Variants in CCDC141 observed in about 807,000 individuals in gnomAD.
CCDC141 encodes coiled-coil domain containing 141.
CCDC141 carries 168 observed loss-of-function variants against 181.0 expected under a neutral mutation model. The observed-to-expected ratio is 0.93, with a 90% CI of 0.82 to 1.05. The LOEUF (loss-of-function observed/expected upper bound fraction) is 1.05, where lower values mean the gene tolerates loss of function less well. CCDC141 is among the 50% of genes least tolerant of loss of function. The probability of loss-of-function intolerance (pLI) is 0.00; values close to 1 mark genes in which losing one functional copy is unlikely to be tolerated. For synonymous variants in CCDC141, 666 were observed against 642.3 expected (o/e 1.04, Z -0.56); for missense variants, 1,902 against 1,788.5 (o/e 1.06, Z -1.14).
chr2:178,893,903 A>T (rs906523352), intron 8 of CCDC141, among the ~76,000 whole-genome samples: 5 of 152,042 alleles, frequency 3.3e-5, no homozygotes, highest in African/African-American at 1.2e-4. Flanking sequence ...GTGTGGCTGA[A>T]GCTACAGGGC....
chr2:178,959,584 G>A (rs1690308405), intron 5 of CCDC141, among the ~76,000 whole-genome samples: 1 of 152,182 alleles, frequency 6.6e-6, no homozygotes, highest in Non-Finnish European at 1.5e-5. Context: ...CTTTGCATTG[G>A]ACGATAATGC....
rs367706044 is a variant in CCDC141, at chr2:178,950,681, G to A, written c.781-6030C>T. 9.9e-5 allele frequency among the ~76,000 whole-genome samples: 15 copies of A among 152,182 alleles called. No individual in the cohort carries two copies. The South Asian group carries it at 3.1e-3, about 32-fold the overall frequency. On this transcript the variant is annotated intron_variant, in intron 5 of 23. Transcript: ENST00000443758. ...CAATTTTCTTCTGTTGAATTTTGGA[G>A]CCCTTTGTGAATTACTGAAATCAAC... is the stretch of plus-strand genomic sequence containing the variant.
intron 10 of CCDC141, 85 bp downstream of exon 10, chr2:178,886,667 C>A: frequency 1.2e-6 from 1 of 866,292 alleles, no homozygotes; most frequent in Non-Finnish European, 1.7e-6. Context: ...CTCAAGTGAG[C>A]TAGGATTAAG....
At position 178,850,077 on chromosome 2, in the gene CCDC141, G is replaced by T. The variant is rs550715790; in HGVS notation, c.3329C>A (p.Ser1110Tyr). Residue 1110 changes from serine (S) to tyrosine (Y), a missense_variant, in exon 21 of 24, where the codon TCC becomes TAC. Physicochemically the swap from Ser to Tyr is moderately radical, Grantham distance 144 (BLOSUM62 -2). Coordinates refer to ENST00000443758, the MANE Select transcript of CCDC141 (RefSeq NM_173648.4). ...CAGTTTTTCTTCGAGCTCTGTGAGGGACTCACATAATTCAGTCACAGATTC... is the reference window on the plus strand; with the variant it reads ...CAGTTTTTCTTCGAGCTCTGTGAGGTACTCACATAATTCAGTCACAGATTC... ...VLESVTELCE[S>Y]LTELEEKLKQ... 1.2e-6 allele frequency: 2 copies of T among 1,601,470 alleles called. No individual in the cohort carries two copies. Among genetic ancestry groups the T allele is most frequent in the South Asian group, 2.2e-5 (2 of 90,012 alleles).
At chr2:178,874,307 T>C (rs73040401) in intron 12 of CCDC141, 4 of 152,298 alleles carry the variant, frequency 2.6e-5, no homozygotes, top group African/African-American at 9.6e-5. Flanking sequence ...TATCATATGA[T>C]AGTGGTAAAG....
intron 12 of CCDC141, chr2:178,873,339 T>G (rs548030581): frequency 2.6e-5 from 4 of 152,188 alleles, no homozygotes; most frequent in Non-Finnish European, 4.4e-5. Flanking sequence ...ATTTCCCCCA[T>G]GAACTTAAGA....
At chr2:179,045,169 G>C (rs372021138) in intron 2 of CCDC141, among the ~76,000 whole-genome samples, 3 of 122,150 alleles carry the variant, frequency 2.5e-5, no homozygotes, top group Non-Finnish European at 3.4e-5. Context: ...CCCTCCCCTC[G>C]ACCCCACAAC....
intron 1 of CCDC141, among the ~76,000 whole-genome samples, chr2:179,047,973 G>A (rs952092736): frequency 6.6e-6 from 1 of 152,164 alleles, no homozygotes; most frequent in African/African-American, 2.4e-5. Context: ...AACCTTAGTT[G>A]TTGAATATTC....
intron 2 of CCDC141, among the ~76,000 whole-genome samples, chr2:179,021,781 C>T (rs2042697554): frequency 2.0e-5 from 3 of 152,180 alleles, no homozygotes; most frequent in South Asian, 4.2e-4. Context: ...TATTAAAGGA[C>T]CATAAAATCT....
chr2:178,961,805 G>C (rs1690414967), intron 4 of CCDC141, among the ~76,000 whole-genome samples: 1 of 152,184 alleles, frequency 6.6e-6, no homozygotes. Context: ...GTATGATGCT[G>C]GGTGAGTGTT....
At chr2:178,982,794 G>A (rs566179343) in intron 2 of CCDC141, among the ~76,000 whole-genome samples, 20 of 152,280 alleles carry the variant, frequency 1.3e-4, no homozygotes, top group East Asian at 9.6e-4. Flanking sequence ...ATTATATCCC[G>A]CACCTGGCTC....
rs1263160025 is a variant in CCDC141, at chr2:178,923,108, TC to T, written c.898-4202del. Among the ~76,000 whole-genome samples the T allele has an allele frequency of 4.3e-4, 62 of 143,972 alleles. No homozygotes were observed. In the East Asian group the frequency reaches 0.011, roughly 26 times the overall value. The allele number at this position is 143,972 out of a possible 152,430, so 94.5% of individuals were successfully genotyped here. A position where few individuals can be genotyped will look rare whatever the true frequency, so the allele number is the denominator to read the frequency against. ...CTTCCACCAGTTTATTTTTTTTTTT[TC>T]TTTTTTTTTTTTTGAGACGGAGTCT... On this transcript the variant is annotated intron_variant, in intron 6 of 23. Transcript: ENST00000443758.
In CCDC141 at chr2:178,869,316, G is replaced by A; in HGVS notation, c.2206-11C>T. On this transcript the variant is annotated splice_polypyrimidine_tract_variant and intron_variant, in intron 14 of 23. Transcript: ENST00000443758. ...CTCATCATTCAATTGCTAAAACATTGAAAGCAATAAAAAAATCTTGCTATT... is the reference window on the plus strand; with the variant it reads ...CTCATCATTCAATTGCTAAAACATTAAAAGCAATAAAAAAATCTTGCTATT... 1.3e-6 allele frequency: 2 copies of A among 1,559,378 alleles called. No individual in the cohort carries two copies. The highest frequency in any genetic ancestry group is 1.7e-6 in the Non-Finnish European group (2 of 1,159,422).
At chr2:179,048,077 T>C (rs1168736599) in intron 1 of CCDC141, among the ~76,000 whole-genome samples, 1 of 152,224 alleles carries the variant, frequency 6.6e-6, no homozygotes, top group African/African-American at 2.4e-5. Flanking sequence ...AGATTTACAC[T>C]GCTCTAAGAT....
chr2:178,934,444 C>A (rs1240996886), intron 6 of CCDC141, among the ~76,000 whole-genome samples: 2 of 152,142 alleles, frequency 1.3e-5, no homozygotes, highest in East Asian at 3.9e-4. Context: ...AGGTTTTAAA[C>A]CAAAGGATGG....
chr2:178,824,217 G>GTA, the CCDC141 span, among the ~76,000 whole-genome samples: 1 of 152,096 alleles, frequency 6.6e-6, no homozygotes, highest in South Asian at 2.1e-4. Context: ...TAAAGAAATG[G>GTA]TATAGGCTTT....
chr2:178,988,324 TG>T (rs1037559272), intron 2 of CCDC141, among the ~76,000 whole-genome samples: 1 of 63,580 alleles, frequency 1.6e-5, no homozygotes, highest in Non-Finnish European at 2.8e-5. Context: ...TGTTGTGGGG[TG>T]GGGGGAGGGG....
chr2:178,913,689 A>G (rs975890052), intron 7 of CCDC141, among the ~76,000 whole-genome samples: 7 of 152,248 alleles, frequency 4.6e-5, no homozygotes, highest in Non-Finnish European at 1.0e-4. Context: ...GGCAGAAACA[A>G]CGGAAGCTAT....
intron 2 of CCDC141, among the ~76,000 whole-genome samples, chr2:178,998,544 T>C (rs1692390368): frequency 6.6e-6 from 1 of 152,188 alleles, no homozygotes; most frequent in African/African-American, 2.4e-5. Flanking sequence ...TCTGTCCCCA[T>C]CATCTTACTG....
Sources: gnomAD v4.1 joint callset for allele counts (sites outside exome capture counted in the v4.1 genomes callset) on GRCh38, gnomAD v4.1.1 for gene constraint, MANE v1.5 for transcripts, NCBI Gene and HGNC (gene_info 2026-07-23, HGNC 2026-07-21) for gene names.